The following TFF1 variants were observed in gnomAD, a reference collection of about 807,000 sequenced individuals.
TFF1 encodes the protein trefoil factor 1, also known as breast cancer estrogen-inducible protein.
Under a neutral mutation model 7.7 loss-of-function variants are expected in TFF1, and 8 were observed. The observed-to-expected ratio is 1.04, with a 90% confidence interval of 0.61 to 1.87. The LOEUF is 1.87. Ranked by LOEUF, TFF1 falls within the 40% of genes most tolerant of loss-of-function variation. The pLI is 0.00. For synonymous variants in TFF1, 47 were observed against 44.8 expected (o/e 1.05, Z -0.19); for missense variants, 120 against 113.4 (o/e 1.06, Z -0.26).
intron 1 of TFF1, among the ~76,000 whole-genome samples, chr21:42,365,389 C>G (rs372489061): frequency 1.3e-5 from 2 of 152,120 alleles, no homozygotes; most frequent in African/African-American, 2.4e-5. Flanking sequence ...AAAGCTCCCC[C>G]GCTCCCTGCC....
chr21:42,364,582 C>G (rs2052264347), intron 1 of TFF1, among the ~76,000 whole-genome samples: 1 of 152,192 alleles, frequency 6.6e-6, no homozygotes, highest in South Asian at 2.1e-4. Context: ...TCTCAGAAAG[C>G]AACCTATTAG....
intron 1 of TFF1, among the ~76,000 whole-genome samples, chr21:42,363,675 G>A (rs923985170): frequency 6.6e-6 from 1 of 152,172 alleles, no homozygotes; most frequent in African/African-American, 2.4e-5. Context: ...TTCAACAAAT[G>A]ATTATTAAAT....
chr21:42,363,065 C>G (rs1191414129), intron 2 of TFF1, among the ~76,000 whole-genome samples, 190 bp downstream of exon 2: 1 of 152,118 alleles, frequency 6.6e-6, no homozygotes, highest in Non-Finnish European at 1.5e-5. Flanking sequence ...CTTCCCAAGT[C>G]CCTTAGCCCT....
At position 42,362,442 on chromosome 21, in the gene TFF1, A is replaced by T; in HGVS notation, c.*37T>A. ...GACTAATCACCGTGCTGGGGACGGC[A>T]CCGCGTCAGGATGCAGGCAGATCCC... On this transcript the variant is annotated 3_prime_UTR_variant, in exon 3 of 3. Transcript: ENST00000291527. The T allele has an allele frequency of 6.4e-7, 1 of 1,568,576 alleles. No individual in the cohort carries two copies. Among genetic ancestry groups the T allele is most frequent in the Non-Finnish European group, 8.6e-7 (1 of 1,157,886 alleles).
chr21:42,362,369 G>T lies in TFF1; in HGVS notation c.*110C>A. The T allele has an allele frequency of 1.6e-6, 2 of 1,270,312 alleles. No individual in the cohort carries two copies. The highest frequency in any genetic ancestry group is 2.2e-6 in the Non-Finnish European group (2 of 914,388). 78.7% of individuals were successfully genotyped at this position (1,270,312 alleles called of 1,614,324 possible). On this transcript the variant is annotated 3_prime_UTR_variant, in exon 3 of 3. Transcript: ENST00000291527. ...CTGTGTTGTGAGCCGAGGCACAGCT[G>T]CAGAAGCGTGTCTGAGGTGTCCGGT...
At chr21:42,363,639 G>A (rs1485749583) in intron 1 of TFF1, among the ~76,000 whole-genome samples, 1 of 152,148 alleles carries the variant, frequency 6.6e-6, no homozygotes, top group Non-Finnish European at 1.5e-5. Context: ...CATCTTTCTA[G>A]GTAACTTATT....
intron 2 of TFF1, 79 bp from the exon 3 acceptor site, chr21:42,362,574 G>A (rs2052246445): frequency 6.8e-7 from 1 of 1,479,120 alleles, no homozygotes; most frequent in East Asian, 2.5e-5. Context: ...CAATTACAGA[G>A]TTTTTACTTT....
At chr21:42,364,468 G>T (rs2052263337) in intron 1 of TFF1, among the ~76,000 whole-genome samples, 1 of 152,230 alleles carries the variant, frequency 6.6e-6, no homozygotes, top group Non-Finnish European at 1.5e-5. Context: ...ATCTAGAGGA[G>T]GAAGACACGT....
chr21:42,362,563 A>G, intron 2 of TFF1, 68 bp from the exon 3 acceptor site: 2 of 1,500,862 alleles, frequency 1.3e-6, no homozygotes, highest in Non-Finnish European at 1.8e-6. Context: ...TCACATTTAA[A>G]CAATTACAGA....
intron 1 of TFF1, 38 bp downstream of exon 1, chr21:42,366,373 G>A (rs1392651673): frequency 5.3e-6 from 8 of 1,517,928 alleles, no homozygotes; most frequent in Non-Finnish European, 7.2e-6. Context: ...TGCCAGAGCT[G>A]GCTGTGGCCC....
chr21:42,365,483 C>T (rs951104403), intron 1 of TFF1, among the ~76,000 whole-genome samples: 1 of 152,170 alleles, frequency 6.6e-6, no homozygotes, highest in Non-Finnish European at 1.5e-5. Flanking sequence ...CCCGGTACCC[C>T]ACAGCAGAGA....
At chr21:42,366,339 A>G in intron 1 of TFF1, 72 bp downstream of exon 1, 1 of 1,239,832 alleles carries the variant, frequency 8.1e-7, no homozygotes. Context: ...ATATGTATGT[A>G]AAACAGTGGC....
intron 1 of TFF1, among the ~76,000 whole-genome samples, chr21:42,365,347 G>A (rs1415588056): frequency 1.3e-5 from 2 of 152,088 alleles, no homozygotes; most frequent in Non-Finnish European, 2.9e-5. Flanking sequence ...AGTTCGTTCT[G>A]TACACCGAGG....
chr21:42,364,891 C>T (rs17767167), intron 1 of TFF1, among the ~76,000 whole-genome samples: 3,157 of 152,238 alleles, frequency 0.021, 50 homozygotes, highest in Non-Finnish European at 0.031. Flanking sequence ...GGATCCATCG[C>T]GACGTGAAGG....
intron 1 of TFF1, among the ~76,000 whole-genome samples, chr21:42,364,106 C>CAAAAAAAAA (rs34872461): frequency 8.9e-6 from 1 of 112,850 alleles, no homozygotes; most frequent in Non-Finnish European, 1.9e-5. Flanking sequence ...GACTCCATCT[C>CAAAAAAAAA]AAAAAAAAAA....
At chr21:42,364,556 T>G (rs963573754) in intron 1 of TFF1, among the ~76,000 whole-genome samples, 21 of 152,022 alleles carry the variant, frequency 1.4e-4, no homozygotes, top group Admixed American at 5.9e-4. Flanking sequence ...GGCTCTGAGC[T>G]CCGCGGAATC....
intron 1 of TFF1, among the ~76,000 whole-genome samples, chr21:42,365,068 T>A (rs920680961): frequency 6.6e-6 from 1 of 152,170 alleles, no homozygotes; most frequent in Non-Finnish European, 1.5e-5. Flanking sequence ...TTTGTCTTTG[T>A]CGCATGATGG....
At chr21:42,365,449 C>T (rs1221155533) in intron 1 of TFF1, among the ~76,000 whole-genome samples, 1 of 152,146 alleles carries the variant, frequency 6.6e-6, no homozygotes, top group African/African-American at 2.4e-5. Context: ...TGCTCTTCTA[C>T]GCTGCCCAAG....
At chr21:42,365,828 T>G (rs2052275035) in intron 1 of TFF1, among the ~76,000 whole-genome samples, 1 of 152,100 alleles carries the variant, frequency 6.6e-6, no homozygotes, top group Admixed American at 6.5e-5. Flanking sequence ...ACCGATCCAC[T>G]TGACAACACC....
Sources: allele counts gnomAD v4.1 joint callset (sites outside exome capture counted in the v4.1 genomes callset), GRCh38; gene constraint gnomAD v4.1.1; transcripts MANE v1.5; gene names NCBI Gene and HGNC (gene_info 2026-07-23, HGNC 2026-07-21).